The following ANKRD55 variants were observed in gnomAD, a reference collection of about 807,000 sequenced individuals.
ANKRD55 encodes ankyrin repeat domain 55.
A neutral mutation model predicts 60.6 loss-of-function variants in ANKRD55; 41 were observed. That is an observed-to-expected ratio of 0.68 (90% confidence interval 0.53 to 0.88). The LOEUF is 0.88. ANKRD55 is among the 40% of genes least tolerant of loss of function. The pLI, the probability that ANKRD55 is intolerant of heterozygous loss-of-function variation, is 0.00. For synonymous variants in ANKRD55, 264 were observed against 290.3 expected, an observed-to-expected ratio of 0.91 and a Z score of 0.92; for missense variants, 732 against 767.6, an observed-to-expected ratio of 0.95 and a Z score of 0.55.
chr5:56,183,705 C>G, intron 2 of ANKRD55, 71 bp from the exon 3 acceptor site: 2 of 1,579,264 alleles, frequency 1.3e-6, no homozygotes, highest in Non-Finnish European at 8.6e-7. Flanking sequence ...ATACCCAAGT[C>G]GTCACCCACA....
At chr5:56,121,495 C>T (rs1757056223) in intron 8 of ANKRD55, among the ~76,000 whole-genome samples, 1 of 151,562 alleles carries the variant, frequency 6.6e-6, no homozygotes, top group African/African-American at 2.4e-5. Context: ...GCCTCAGCCT[C>T]CCGAGTAGCT....
intron 6 of ANKRD55, among the ~76,000 whole-genome samples, chr5:56,148,342 T>C (rs1757950902): frequency 6.6e-6 from 1 of 152,184 alleles, no homozygotes; most frequent in Non-Finnish European, 1.5e-5. Flanking sequence ...AACACCCAGA[T>C]GGCCCTGGTG....
chr5:56,117,537 T>C (rs1346850202), intron 8 of ANKRD55, among the ~76,000 whole-genome samples: 1 of 152,200 alleles, frequency 6.6e-6, no homozygotes, highest in African/African-American at 2.4e-5. Flanking sequence ...CACTGCAACC[T>C]TCGCCTCCCA....
chr5:56,182,474 A>AT (rs949737644), intron 3 of ANKRD55, among the ~76,000 whole-genome samples: 2 of 151,560 alleles, frequency 1.3e-5, no homozygotes, highest in African/African-American at 4.9e-5. Context: ...GAGACTTTCT[A>AT]TTTTTTTCTT....
chr5:56,192,266 T>A (rs933553931), intron 2 of ANKRD55, among the ~76,000 whole-genome samples: 33 of 152,190 alleles, frequency 2.2e-4, no homozygotes, highest in African/African-American at 7.0e-4. Flanking sequence ...GATTCCAGAA[T>A]ACACACAGGG....
chr5:56,194,548 G>T (rs1245627400), intron 2 of ANKRD55, among the ~76,000 whole-genome samples: 1 of 151,940 alleles, frequency 6.6e-6, no homozygotes, highest in East Asian at 1.9e-4. Context: ...TAATAAAACC[G>T]CACTTTAAAA....
At chr5:56,162,570 G>T (rs1758357551) in intron 5 of ANKRD55, among the ~76,000 whole-genome samples, 1 of 152,100 alleles carries the variant, frequency 6.6e-6, no homozygotes, top group Non-Finnish European at 1.5e-5. Context: ...TGCCCCTTTA[G>T]GTCTAGAAAG....
intron 2 of ANKRD55, among the ~76,000 whole-genome samples, chr5:56,223,515 A>G (rs1195263402): frequency 6.6e-6 from 1 of 152,222 alleles, no homozygotes. Flanking sequence ...ATTAACCTTA[A>G]ATGTAAATGG....
chr5:56,173,806 A>C (rs867271473), intron 4 of ANKRD55, among the ~76,000 whole-genome samples: 30 of 151,898 alleles, frequency 2.0e-4, no homozygotes, highest in Admixed American at 1.9e-3. Flanking sequence ...TTGGCCTCCC[A>C]AAGTAGCGGG....
At chr5:56,184,528 G>A (rs1316887142) in intron 2 of ANKRD55, among the ~76,000 whole-genome samples, 4 of 152,220 alleles carry the variant, frequency 2.6e-5, no homozygotes, top group Non-Finnish European at 5.9e-5. Flanking sequence ...AAACAGAACT[G>A]TAGGCAACTC....
intron 10 of ANKRD55, among the ~76,000 whole-genome samples, chr5:56,107,010 TA>T (rs371808077): frequency 0.097 from 11,056 of 114,482 alleles, 1,251 homozygotes; most frequent in African/African-American, 0.3. Context: ...TATCTCTCTC[TA>T]AAAAAAAAAA....
At chr5:56,196,781 C>T (rs975943481) in intron 2 of ANKRD55, among the ~76,000 whole-genome samples, 3 of 152,188 alleles carry the variant, frequency 2.0e-5, no homozygotes, top group Non-Finnish European at 4.4e-5. Flanking sequence ...AAATGCTGAT[C>T]TGCAGACCCC....
Position 56,102,481 on chromosome 5 carries a change from TC to T in ANKRD55, c.1723+12del. On this transcript the variant is annotated intron_variant, in intron 11 of 11. Transcript: ENST00000341048. ...ACTTGCAAAGGAAGCTGCGGAAGAT[TC>T]ATAATACTTACATTTTTGATCTGGT... is the stretch of plus-strand genomic sequence containing the variant. 2 of 1,571,128 alleles carry T rather than the reference TC, an allele frequency of 1.3e-6. No individual in the cohort carries two copies. Among genetic ancestry groups the T allele is most frequent in the South Asian group, 2.2e-5 (2 of 89,876 alleles).
chr5:56,121,485 G>A (rs1296542777), intron 8 of ANKRD55, among the ~76,000 whole-genome samples: 1 of 149,870 alleles, frequency 6.7e-6, no homozygotes, highest in Non-Finnish European at 1.5e-5. Flanking sequence ...CGATTCTCCT[G>A]CCTCAGCCTC....
intron 10 of ANKRD55, among the ~76,000 whole-genome samples, chr5:56,109,776 C>T (rs1163130223): frequency 1.3e-5 from 2 of 152,164 alleles, no homozygotes; most frequent in Non-Finnish European, 2.9e-5. Flanking sequence ...AATCCCAGCA[C>T]TATGGGAGGC....
At chr5:56,222,429 T>A (rs1759991585) in intron 2 of ANKRD55, among the ~76,000 whole-genome samples, 1 of 152,096 alleles carries the variant, frequency 6.6e-6, no homozygotes, top group South Asian at 2.1e-4. Context: ...ATTCTAAAAA[T>A]CAGAGGGCCT....
Position 56,111,781 on chromosome 5 carries a change from T to C in ANKRD55, c.967A>G (p.Thr323Ala). ...CVKLLSQESR[T>A]EPTRPPPSQS... ...GAGGGAGGGGGTCGAGTAGGCTCTGTTCTATGCGAATATAAAAGAGCAGGG... is the reference window on the plus strand; with the variant it reads ...GAGGGAGGGGGTCGAGTAGGCTCTGCTCTATGCGAATATAAAAGAGCAGGG... The change falls in exon 10 of 12, where the codon ACA (threonine) becomes GCA (alanine). Residue 323 changes from threonine (T) to alanine (A), a missense_variant and splice_region_variant. Transcript: ENST00000341048. 1 of 1,495,714 alleles carries C rather than the reference T, an allele frequency of 6.7e-7. No homozygotes were observed. Among genetic ancestry groups the C allele is most frequent in the Non-Finnish European group, 8.9e-7 (1 of 1,127,100 alleles). 92.7% of individuals were successfully genotyped at this position (1,495,714 alleles called of 1,614,324 possible).
intron 4 of ANKRD55, 38 bp downstream of exon 4, chr5:56,176,114 C>T (rs764560336): frequency 2.5e-6 from 4 of 1,613,376 alleles, no homozygotes; most frequent in South Asian, 1.1e-5. Context: ...CTTCGCCTAC[C>T]CTGCTCCTTC....
At chr5:56,217,318 A>AT (rs750964648) in intron 2 of ANKRD55, among the ~76,000 whole-genome samples, 14 of 152,222 alleles carry the variant, frequency 9.2e-5, no homozygotes, top group Non-Finnish European at 2.1e-4. Context: ...GAAATGAATC[A>AT]TTTTTTCTAA....
Sources: allele counts gnomAD v4.1 joint callset (sites outside exome capture counted in the v4.1 genomes callset), GRCh38; gene constraint gnomAD v4.1.1; transcripts MANE v1.5; gene names NCBI Gene and HGNC (gene_info 2026-07-23, HGNC 2026-07-21).